The following OR2B11 variants were observed in gnomAD, a reference collection of about 807,000 sequenced individuals.
OR2B11 encodes olfactory receptor family 2 subfamily B member 11, also known as olfactory receptor 2B11.
For synonymous variants in OR2B11, 198 were observed against 174.5 expected, an observed-to-expected ratio of 1.13 and a Z score of -1.06; for missense variants, 422 against 400.0, an observed-to-expected ratio of 1.05 and a Z score of -0.47.
In OR2B11 at chr1:247,451,423, G is replaced by T. The variant is rs1488434733; in HGVS notation, c.560C>A (p.Ala187Asp). The change falls in exon 2 of 2, where the codon GCC becomes GAC. Residue 187 changes from alanine to aspartate, a missense_variant. Ala to Asp is a moderately radical substitution (Grantham distance 126). Transcript: ENST00000641149. ...VLNNFFCEVP[A>D]VIKLSCADTA... ...GTCAGCACACGACAGCTTGATCACG[G>T]CCGGCACCTCACAGAAAAAGTTGTT... 6.2e-7 allele frequency: 1 copy of T among 1,614,120 alleles called. No homozygotes were observed. The highest frequency in any genetic ancestry group is 1.7e-5 in the Admixed American group (1 of 60,018).
At position 247,451,187 on chromosome 1, in the gene OR2B11, G is replaced by C; in HGVS notation, c.796C>G (p.Pro266Ala). The change falls in exon 2 of 2, where the codon CCC (proline) becomes GCC (alanine). Residue 266 changes from proline (P) to alanine (A), a missense_variant. Transcript: ENST00000641149. ...TGCTCTTGGGAGTAGCTGGAAGGGG[G>C]CTGCAGATACATGTAAATCGCAGGT... The part of the protein sequence containing the change: ...YLPAIYMYLQ[P>A]PSSYSQEQGK... 6.4e-7 allele frequency: 1 copy of C among 1,567,680 alleles called. No homozygotes were observed. Among genetic ancestry groups the C allele is most frequent in the Non-Finnish European group, 8.7e-7 (1 of 1,154,888 alleles).
Position 247,451,446 on chromosome 1 carries a change from G to A in OR2B11, c.537C>T (p.Asn179=). ...CGGCCGGCACCTCACAGAAAAAGTT[G>A]TTCAGCACCTGCCGCCCGCAGAATG... ...QLPFCGRQVL[N]NFFCEVPAVI... is the part of the protein sequence containing the mutation. The change falls in exon 2 of 2, where the codon AAC becomes AAT. Residue 179 remains asparagine, a synonymous_variant. Coordinates refer to ENST00000641149, the MANE Select transcript of OR2B11 (RefSeq NM_001004492.2). The A allele has an allele frequency of 6.2e-7, 1 of 1,614,146 alleles. No homozygotes were observed. Among genetic ancestry groups the A allele is most frequent in the East Asian group, 2.2e-5 (1 of 44,870 alleles).
Position 247,454,908 on chromosome 1 carries a change from T to C in OR2B11, c.-2926A>G, listed in dbSNP as rs1480810594. ...GCCTTAAGGCAAAGATATCTTTAGG[T>C]GTTTCAATTACCAAAAACGTAAGAA... is the stretch of plus-strand genomic sequence containing the variant. On this transcript the variant is annotated 5_prime_UTR_variant, in exon 2 of 2. Coordinates refer to ENST00000641149, the MANE Select transcript of OR2B11 (RefSeq NM_001004492.2). The C allele has an allele frequency of 1.3e-5, 2 of 152,196 alleles. No individual in the cohort carries two copies. Among genetic ancestry groups the C allele is most frequent in the Non-Finnish European group, 2.9e-5 (2 of 68,046 alleles). The allele number at this position is 152,196 out of a possible 1,614,324, so 9.4% of individuals were successfully genotyped here.
At position 247,453,627 on chromosome 1, in the gene OR2B11, A is replaced by T. The variant is rs1664893615; in HGVS notation, c.-1645T>A. On this transcript the variant is annotated 5_prime_UTR_variant, in exon 2 of 2. Transcript: ENST00000641149. ...CTCTTTCTGAGATTTCTGATTCCAG[A>T]GTTTCTTTTCAGAGCCTAAACTGGG... 6.6e-6 allele frequency: 1 copy of T among 152,212 alleles called. No homozygotes were observed. The highest frequency in any genetic ancestry group is 2.4e-5 in the African/African-American group (1 of 41,470). 9.4% of individuals were successfully genotyped at this position (152,212 alleles called of 1,614,324 possible). A position where few individuals can be genotyped will look rare whatever the true frequency, so the allele number is the denominator to read the frequency against.
In OR2B11 at chr1:247,451,313, A is replaced by T; in HGVS notation, c.670T>A (p.Phe224Ile). The T allele has an allele frequency of 1.2e-6, 2 of 1,614,144 alleles. No homozygotes were observed. Among genetic ancestry groups the T allele is most frequent in the South Asian group, 2.2e-5 (2 of 91,076 alleles). ...PLALILLSYG[F>I]IARAVLRIQS... ...ATCCTGAGCACTGCCCGGGCAATAA[A>T]GCCATAGGAGAGAAGGATGAGAGCC... Residue 224 changes from phenylalanine (F) to isoleucine (I), a missense_variant, in exon 2 of 2, where the codon TTT becomes ATT. Coordinates refer to ENST00000641149, the MANE Select transcript of OR2B11 (RefSeq NM_001004492.2).
rs749702656 is a variant in OR2B11 at position 247,452,596 on chromosome 1, G to A, written c.-614C>T. The A allele has an allele frequency of 5.8e-5, 9 of 156,162 alleles. No individual in the cohort carries two copies. The highest frequency in any genetic ancestry group is 1.1e-4 in the Non-Finnish European group (8 of 70,164). The allele number at this position is 156,162 out of a possible 1,614,324, so 9.7% of individuals were successfully genotyped here. A position where few individuals can be genotyped will look rare whatever the true frequency, so the allele number is the denominator to read the frequency against. On this transcript the variant is annotated 5_prime_UTR_variant, in exon 2 of 2. Transcript: ENST00000641149. ...AGCTCCCGGATTCATGCTGATCTCC[G>A]CTGTCATGACCACACACGCACAGGC...
At chr1:247,456,489 A>C (rs1321587176) in intron 1 of OR2B11, among the ~76,000 whole-genome samples, 1 of 152,182 alleles carries the variant, frequency 6.6e-6, no homozygotes, top group African/African-American at 2.4e-5. Flanking sequence ...ACACCCTGTA[A>C]ACCTGAAAAA....
At chr1:247,456,726 C>T (rs903595708) in intron 1 of OR2B11, among the ~76,000 whole-genome samples, 1 of 151,732 alleles carries the variant, frequency 6.6e-6, no homozygotes, top group African/African-American at 2.4e-5. Flanking sequence ...CCGTCATCTA[C>T]GTTAGGTATT....
chr1:247,449,825 A>G lies in OR2B11; in HGVS notation c.*1204T>C, dbSNP rs943828431. On this transcript the variant is annotated 3_prime_UTR_variant, in exon 2 of 2. Coordinates refer to ENST00000641149, the MANE Select transcript of OR2B11 (RefSeq NM_001004492.2). ...CCTTCCTGCTACAAACACTTTGATAACCTATATAAATAATGTAATCAGAAA... is the reference window on the plus strand; with the variant it reads ...CCTTCCTGCTACAAACACTTTGATAGCCTATATAAATAATGTAATCAGAAA... 6.6e-6 allele frequency: 1 copy of G among 152,196 alleles called. No individual in the cohort carries two copies. The highest frequency in any genetic ancestry group is 1.5e-5 in the Non-Finnish European group (1 of 68,032). The allele number at this position is 152,196 out of a possible 1,614,324, so 9.4% of individuals were successfully genotyped here. A position where few individuals can be genotyped will look rare whatever the true frequency, so the allele number is the denominator to read the frequency against.
rs1664894288 is a variant in OR2B11 at position 247,453,680 on chromosome 1, GAAGA to G, written c.-1702_-1699del. ...AAAAGGGAGAAGTTGTAGGGATAGT[GAAGA>G]AAGAAATGAGAGAATGAAGGAAGCA... On this transcript the variant is annotated 5_prime_UTR_variant, in exon 2 of 2. Coordinates refer to ENST00000641149, the MANE Select transcript of OR2B11 (RefSeq NM_001004492.2). 1 of 152,194 alleles carries G rather than the reference GAAGA, an allele frequency of 6.6e-6. No individual in the cohort carries two copies. Among genetic ancestry groups the G allele is most frequent in the African/African-American group, 2.4e-5 (1 of 41,452 alleles). 9.4% of individuals were successfully genotyped at this position (152,194 alleles called of 1,614,324 possible).
At position 247,457,356 on chromosome 1, in the gene OR2B11, C is replaced by G. The variant is rs1664982814; in HGVS notation, c.-3083+283G>C. Among the ~76,000 whole-genome samples, 3 of 152,298 alleles carry G rather than the reference C, an allele frequency of 2.0e-5. No homozygotes were observed. In the South Asian group the frequency reaches 6.2e-4, roughly 32 times the overall value. On this transcript the variant is annotated intron_variant, in intron 1 of 1. Coordinates refer to ENST00000641149, the MANE Select transcript of OR2B11 (RefSeq NM_001004492.2). Reference sequence around the variant, plus strand: ...GCGGAGGAAAGGGACTCAGCGTCCCCACACACTGTGTGCAGCGTCCACTGT... The same window carrying G: ...GCGGAGGAAAGGGACTCAGCGTCCCGACACACTGTGTGCAGCGTCCACTGT...
At chr1:247,456,437 T>G (rs999188802) in intron 1 of OR2B11, among the ~76,000 whole-genome samples, 4 of 152,136 alleles carry the variant, frequency 2.6e-5, no homozygotes, top group Admixed American at 2.0e-4. Context: ...GTGAGCCACC[T>G]CACCCAGCCC....
At position 247,453,198 on chromosome 1, in the gene OR2B11, T is replaced by G. The variant is rs1664885361; in HGVS notation, c.-1216A>C. On this transcript the variant is annotated 5_prime_UTR_variant, in exon 2 of 2. Coordinates refer to ENST00000641149, the MANE Select transcript of OR2B11 (RefSeq NM_001004492.2). ...GGATTTTTATTCTTGATTTGGTACC[T>G]TATGCATAGACTGTAAAACTAACGG... The G allele has an allele frequency of 6.6e-6, 1 of 152,244 alleles. No homozygotes were observed. The highest frequency in any genetic ancestry group is 1.5e-5 in the Non-Finnish European group (1 of 68,052). 9.4% of individuals were successfully genotyped at this position (152,244 alleles called of 1,614,324 possible). A position where few individuals can be genotyped will look rare whatever the true frequency, so the allele number is the denominator to read the frequency against.
At position 247,451,236 on chromosome 1, in the gene OR2B11, C is replaced by T. The variant is rs1311084968; in HGVS notation, c.747G>A (p.Leu249=). ...HKAFGTCSSH[L]MIVSLFYLPA... ...GTAGGTAGAAGAGGGAGACGATCAT[C>T]AGGTGGGAGGAACACGTCCCAAAGG... is the stretch of plus-strand genomic sequence containing the variant. Residue 249 remains leucine, a synonymous_variant, in exon 2 of 2, where the codon CTG becomes CTA. Coordinates refer to ENST00000641149, the MANE Select transcript of OR2B11 (RefSeq NM_001004492.2). 8 of 1,602,658 alleles carry T rather than the reference C, an allele frequency of 5.0e-6. No homozygotes were observed. Among genetic ancestry groups the T allele is most frequent in the East Asian group, 2.2e-5 (1 of 44,610 alleles).
chr1:247,454,967 A>C lies in OR2B11; in HGVS notation c.-2985T>G, dbSNP rs10925034. 1 of 152,026 alleles carries C rather than the reference A, an allele frequency of 6.6e-6. No homozygotes were observed. Among genetic ancestry groups the C allele is most frequent in the South Asian group, 2.1e-4 (1 of 4,824 alleles). 9.4% of individuals were successfully genotyped at this position (152,026 alleles called of 1,614,324 possible). A position where few individuals can be genotyped will look rare whatever the true frequency, so the allele number is the denominator to read the frequency against. On this transcript the variant is annotated 5_prime_UTR_variant, in exon 2 of 2. The change abolishes an upstream ATG in the 5' untranslated region. Coordinates refer to ENST00000641149, the MANE Select transcript of OR2B11 (RefSeq NM_001004492.2). ...TCAAGAGTTACCTGCTGATTGTATC[A>C]TGTTCACGCTGAATTCCCGCAGTTT...
chr1:247,456,849 T>C (rs183562200), intron 1 of OR2B11, among the ~76,000 whole-genome samples: 10 of 152,172 alleles, frequency 6.6e-5, no homozygotes, highest in Admixed American at 2.6e-4. Flanking sequence ...AATGAGAACA[T>C]GAACATGTCT....
chr1:247,451,164 C>A lies in OR2B11; in HGVS notation c.819G>T (p.Glu273Asp). The A allele has an allele frequency of 6.5e-7, 1 of 1,549,162 alleles. No individual in the cohort carries two copies. Among genetic ancestry groups the A allele is most frequent in the South Asian group, 1.3e-5 (1 of 79,844 alleles). Residue 273 changes from glutamate (E) to aspartate (D), a missense_variant, in exon 2 of 2, where the codon GAG becomes GAT. Coordinates refer to ENST00000641149, the MANE Select transcript of OR2B11 (RefSeq NM_001004492.2). ...YLQPPSSYSQ[E>D]QGKFISLFYS... is the part of the protein sequence containing the mutation. The stretch of plus-strand genomic sequence containing the variant: ...AGAAGAGAGAAATAAATTTGCCCTG[C>A]TCTTGGGAGTAGCTGGAAGGGGGCT...
At position 247,453,201 on chromosome 1, in the gene OR2B11, T is replaced by C. The variant is rs1443158187; in HGVS notation, c.-1219A>G. The stretch of plus-strand genomic sequence containing the variant: ...TTTTTATTCTTGATTTGGTACCTTA[T>C]GCATAGACTGTAAAACTAACGGAGA... On this transcript the variant is annotated 5_prime_UTR_variant, in exon 2 of 2. Transcript: ENST00000641149. 2.6e-5 allele frequency: 4 copies of C among 152,238 alleles called. No homozygotes were observed. Among genetic ancestry groups the C allele is most frequent in the Non-Finnish European group, 4.4e-5 (3 of 68,042 alleles). The allele number at this position is 152,238 out of a possible 1,614,324, so 9.4% of individuals were successfully genotyped here. A position where few individuals can be genotyped will look rare whatever the true frequency, so the allele number is the denominator to read the frequency against.
Position 247,452,257 on chromosome 1 carries a change from G to T in OR2B11, c.-275C>A. ...CTGAACTTCTGCATCTGTAAAATGG[G>T]GAGAAATACCTCCTTCAATTGCCAA... is the stretch of plus-strand genomic sequence containing the variant. On this transcript the variant is annotated 5_prime_UTR_variant, in exon 2 of 2. Transcript: ENST00000641149. The T allele has an allele frequency of 2.5e-6, 1 of 401,322 alleles. No homozygotes were observed. The highest frequency in any genetic ancestry group is 4.5e-6 in the Non-Finnish European group (1 of 221,146). 24.9% of individuals were successfully genotyped at this position (401,322 alleles called of 1,614,324 possible).
Sources: allele counts gnomAD v4.1 joint callset (sites outside exome capture counted in the v4.1 genomes callset), GRCh38; gene constraint gnomAD v4.1.1; transcripts MANE v1.5; gene names NCBI Gene and HGNC (gene_info 2026-07-23, HGNC 2026-07-21).